CCDC171: variants seen among roughly 807,000 people sequenced by gnomAD.
CCDC171 encodes coiled-coil domain-containing protein 171.
In CCDC171, 177 loss-of-function variants were observed where a neutral mutation model predicts 168.2. That is an observed-to-expected ratio of 1.05 (90% confidence interval 0.93 to 1.19). CCDC171 has a LOEUF of 1.19. CCDC171 is among the 50% of genes most tolerant of loss of function. The pLI is 0.00. For synonymous variants in CCDC171, 687 were observed against 540.8 expected, an observed-to-expected ratio of 1.27 and a Z score of -3.75; for missense variants, 1,991 against 1,539.0, an observed-to-expected ratio of 1.29 and a Z score of -4.91.
chr9:15,660,908 CAGTGGCTGAA>C (rs1466068912), intron 8 of CCDC171, among the ~76,000 whole-genome samples: 7 of 152,210 alleles, frequency 4.6e-5, no homozygotes, highest in African/African-American at 1.7e-4. Context: ...CCACTTTCCG[CAGTGGCTGAA>C]CTAATTTACA....
intron 8 of CCDC171, among the ~76,000 whole-genome samples, chr9:15,660,879 T>A (rs1183706397): frequency 1.3e-5 from 2 of 152,206 alleles, no homozygotes; most frequent in African/African-American, 4.8e-5. Context: ...AGTTCTGAGT[T>A]CTTTGAGAAA....
intron 24 of CCDC171, among the ~76,000 whole-genome samples, chr9:15,878,003 G>T (rs1427250657): frequency 6.6e-6 from 1 of 152,082 alleles, no homozygotes; most frequent in Non-Finnish European, 1.5e-5. Context: ...AGACTTAAAT[G>T]TAAATCCTTA....
chr9:16,037,376 C>A (rs1018551300), intron 8 of CCDC171, among the ~76,000 whole-genome samples: 1 of 152,298 alleles, frequency 6.6e-6, no homozygotes, highest in Admixed American at 6.5e-5. Context: ...TGTGAGGTCA[C>A]GTCCTCAACC....
chr9:15,630,654 C>G (rs543726474), intron 7 of CCDC171, among the ~76,000 whole-genome samples: 1 of 152,298 alleles, frequency 6.6e-6, no homozygotes, highest in South Asian at 2.1e-4. Context: ...AGGAATTGAA[C>G]TCAGCTCTGC....
At chr9:15,842,650 A>G (rs2060729625) in intron 21 of CCDC171, among the ~76,000 whole-genome samples, 1 of 151,962 alleles carries the variant, frequency 6.6e-6, no homozygotes, top group African/African-American at 2.4e-5. Context: ...CTCTGTGAAT[A>G]CGTACTGAAT....
intron 10 of CCDC171, among the ~76,000 whole-genome samples, chr9:15,694,768 C>G (rs998995503): frequency 1.3e-5 from 2 of 152,230 alleles, no homozygotes; most frequent in Admixed American, 1.3e-4. Flanking sequence ...CTTCCCCTTT[C>G]ACTGTCAATA....
At chr9:15,858,732 A>T (rs1248596129) in intron 23 of CCDC171, among the ~76,000 whole-genome samples, 6 of 152,066 alleles carry the variant, frequency 3.9e-5, no homozygotes, top group African/African-American at 1.4e-4. Context: ...ATTCATAACA[A>T]TCTAGTTTGA....
rs1357309975 is a variant in CCDC171 at position 15,683,234 on chromosome 9, T to G, written c.1215+4338T>G. On this transcript the variant is annotated intron_variant, in intron 10 of 25. Transcript: ENST00000380701. ...TGATTGAAAATGGTCAAGTGTATAT[T>G]TTTTCCCCAATACTTTTGGGGGTTT... Among the ~76,000 whole-genome samples, 3 of 152,116 alleles carry G rather than the reference T, an allele frequency of 2.0e-5. No homozygotes were observed. The East Asian group carries it at 5.8e-4, about 29-fold the overall frequency.
At chr9:16,032,432 T>C (rs1436980878) in intron 6 of CCDC171, among the ~76,000 whole-genome samples, 1 of 152,062 alleles carries the variant, frequency 6.6e-6, no homozygotes, top group African/African-American at 2.4e-5. Flanking sequence ...TCACTGGCCA[T>C]GCACGAGACG....
chr9:15,909,082 T>A (rs1823211146), intron 24 of CCDC171, among the ~76,000 whole-genome samples: 1 of 152,178 alleles, frequency 6.6e-6, no homozygotes, highest in African/African-American at 2.4e-5. Flanking sequence ...CACAGAGTTA[T>A]ATAAGTCTTT....
the CCDC171 span, among the ~76,000 whole-genome samples, chr9:16,106,880 C>T: frequency 5.3e-5 from 8 of 152,158 alleles, no homozygotes; most frequent in Non-Finnish European, 1.2e-4. Flanking sequence ...TGTCACCCTC[C>T]AGGTTCAGGA....
At position 15,848,951 on chromosome 9, in the gene CCDC171, C is replaced by G. The variant is rs200207647; in HGVS notation, c.3468+4C>G. ...AGTAGAAAATACGCTTCACAAGGTA[C>G]TGTTATTTTTCTTTAATATTGTTCA... On this transcript the variant is annotated splice_donor_region_variant and intron_variant, in intron 23 of 25. Coordinates refer to ENST00000380701, the MANE Select transcript of CCDC171 (RefSeq NM_173550.4). 6.7e-7 allele frequency: 1 copy of G among 1,498,828 alleles called. No homozygotes were observed. Among genetic ancestry groups the G allele is most frequent in the Non-Finnish European group, 9.1e-7 (1 of 1,103,886 alleles). The allele number at this position is 1,498,828 out of a possible 1,614,324, so 92.8% of individuals were successfully genotyped here.
chr9:15,814,625 A>G (rs1243152831), intron 21 of CCDC171, among the ~76,000 whole-genome samples: 1 of 121,472 alleles, frequency 8.2e-6, no homozygotes, highest in Admixed American at 7.7e-5. Context: ...GAAAAGTTAG[A>G]TATCTTACAT....
chr9:15,712,632 A>G (rs895926212), intron 11 of CCDC171, among the ~76,000 whole-genome samples: 1 of 152,216 alleles, frequency 6.6e-6, no homozygotes, highest in African/African-American at 2.4e-5. Flanking sequence ...GTAAGTGTCT[A>G]TCTTAGTAAG....
At chr9:15,711,182 A>C (rs2052635867) in intron 11 of CCDC171, among the ~76,000 whole-genome samples, 1 of 152,228 alleles carries the variant, frequency 6.6e-6, no homozygotes, top group Non-Finnish European at 1.5e-5. Context: ...TAACTAATTT[A>C]AATATGAATA....
At chr9:15,568,749 GTT>G (rs143401145) in intron 2 of CCDC171, among the ~76,000 whole-genome samples, 4 of 150,862 alleles carry the variant, frequency 2.7e-5, no homozygotes, top group Admixed American at 2.6e-4. Flanking sequence ...ACTTTTTAAT[GTT>G]TTTTTTTCTT....
chr9:16,085,308 C>G, the CCDC171 span, among the ~76,000 whole-genome samples: 1 of 152,222 alleles, frequency 6.6e-6, no homozygotes, highest in Non-Finnish European at 1.5e-5. Context: ...GAAGTAGAGT[C>G]TTACGACACT....
intron 25 of CCDC171, among the ~76,000 whole-genome samples, chr9:15,955,209 C>T (rs1457284641): frequency 6.6e-6 from 1 of 152,118 alleles, no homozygotes; most frequent in Non-Finnish European, 1.5e-5. Context: ...CTTGTGTGGT[C>T]ACTTTCTAAT....
At chr9:15,806,132 C>T (rs2059064570) in intron 21 of CCDC171, among the ~76,000 whole-genome samples, 2 of 152,026 alleles carry the variant, frequency 1.3e-5, no homozygotes, top group Admixed American at 1.3e-4. Context: ...TGTGTCTTTG[C>T]ATGTGAGATG....
Sources: gnomAD v4.1 joint callset for allele counts (sites outside exome capture counted in the v4.1 genomes callset) on GRCh38, gnomAD v4.1.1 for gene constraint, MANE v1.5 for transcripts, NCBI Gene and HGNC (gene_info 2026-07-23, HGNC 2026-07-21) for gene names.